PXDNL: variants seen among roughly 807,000 people sequenced by gnomAD.
PXDNL encodes peroxidasin like.
PXDNL carries 145 observed loss-of-function variants against 150.8 expected under a neutral mutation model. The observed-to-expected ratio is 0.96, with a 90% confidence interval of 0.84 to 1.10. PXDNL has a LOEUF of 1.10. Ranked by LOEUF, PXDNL falls within the 50% of genes least tolerant of loss-of-function variation. The probability of loss-of-function intolerance (pLI) is 0.00; values close to 1 mark genes in which losing one functional copy is unlikely to be tolerated. For synonymous variants in PXDNL, 757 were observed against 725.7 expected (o/e 1.04, Z -0.69); for missense variants, 2,087 against 1,873.9 (o/e 1.11, Z -2.10).
chr8:51,495,454 G>C (rs200591543), intron 5 of PXDNL, among the ~76,000 whole-genome samples: 1 of 152,166 alleles, frequency 6.6e-6, no homozygotes, highest in South Asian at 2.1e-4. Flanking sequence ...AGGAAATAGA[G>C]ACACAAAAAA....
chr8:51,411,308 C>G lies in PXDNL; in HGVS notation c.2004G>C (p.Thr668=). 6.3e-7 allele frequency: 1 copy of G among 1,577,670 alleles called. No homozygotes were observed. Among genetic ancestry groups the G allele is most frequent in the Non-Finnish European group, 8.6e-7 (1 of 1,164,906 alleles). ...TCACACGTTCCCGTATCAGCTGCAG[C>G]GTGTGCTCAAAAATCTCCCCTGCTC... ...MARAGEIFEH[T]LQLIRERVKQ... Residue 668 remains threonine (T), a synonymous_variant, in exon 16 of 23, where the codon ACG becomes ACC. Transcript: ENST00000356297.
intron 4 of PXDNL, among the ~76,000 whole-genome samples, chr8:51,531,232 C>T (rs994266136): frequency 6.6e-6 from 1 of 152,192 alleles, no homozygotes; most frequent in South Asian, 2.1e-4. Context: ...GAATTGATTC[C>T]AGTGGAAGGA....
intron 4 of PXDNL, among the ~76,000 whole-genome samples, chr8:51,507,479 G>A (rs1050247045): frequency 3.3e-5 from 5 of 152,304 alleles, no homozygotes; most frequent in African/African-American, 4.8e-5. Context: ...GGCAGGAACT[G>A]AATCACACAT....
At position 51,641,527 on chromosome 8, in the gene PXDNL, T is replaced by G. The variant is rs1027192507; in HGVS notation, c.236+13162A>C. Among the ~76,000 whole-genome samples the G allele has an allele frequency of 1.8e-4, 27 of 151,908 alleles. 1 individual carries two copies. Among genetic ancestry groups the G allele is most frequent in the Admixed American group, 1.2e-3 (19 of 15,234 alleles). ...TTTACAAGAAAAAAACAAACAACCC[T>G]ATCAAAAAGTGGGCGAAGGACATGA... is the stretch of plus-strand genomic sequence containing the variant. On this transcript the variant is annotated intron_variant, in intron 2 of 22. Transcript: ENST00000356297.
chr8:51,697,845 T>C (rs961023962), intron 1 of PXDNL, among the ~76,000 whole-genome samples: 12 of 152,236 alleles, frequency 7.9e-5, no homozygotes, highest in East Asian at 3.8e-4. Context: ...GGAGATATTG[T>C]GGGTTCCATT....
chr8:51,513,965 T>C (rs1811478850), intron 4 of PXDNL, among the ~76,000 whole-genome samples: 1 of 152,252 alleles, frequency 6.6e-6, no homozygotes, highest in Admixed American at 6.5e-5. Flanking sequence ...GAATATTGTT[T>C]CTCCTCTATT....
Position 51,392,400 on chromosome 8 carries a change from C to A in PXDNL, c.3557+15667G>T, listed in dbSNP as rs1355980764. 6.6e-5 allele frequency among the ~76,000 whole-genome samples: 10 copies of A among 152,036 alleles called. 1 individual carries two copies. The highest frequency in any genetic ancestry group is 2.4e-4 in the African/African-American group (10 of 41,350). ...GGAATGTTCTTCCATTTCTTTGTATCCTCTTTTATTTCATTGAGCAGTGGT... is the reference window on the plus strand; with the variant it reads ...GGAATGTTCTTCCATTTCTTTGTATACTCTTTTATTTCATTGAGCAGTGGT... On this transcript the variant is annotated intron_variant, in intron 17 of 22. Transcript: ENST00000356297.
intron 12 of PXDNL, among the ~76,000 whole-genome samples, chr8:51,431,282 C>G (rs1321351241): frequency 6.6e-6 from 1 of 152,150 alleles, no homozygotes; most frequent in African/African-American, 2.4e-5. Context: ...ACAGGCCCTT[C>G]CACTTATTTC....
chr8:51,543,529 G>A (rs1458156589), intron 4 of PXDNL, among the ~76,000 whole-genome samples: 1 of 151,826 alleles, frequency 6.6e-6, no homozygotes, highest in African/African-American at 2.4e-5. Context: ...TGGCTAACAT[G>A]GTGAAACCCC....
chr8:51,737,756 ACC>A (rs11302135), intron 1 of PXDNL, among the ~76,000 whole-genome samples: 1 of 150,972 alleles, frequency 6.6e-6, no homozygotes, highest in Non-Finnish European at 1.5e-5. Context: ...TCACTGTCAG[ACC>A]CCCCCCACCA....
intron 1 of PXDNL, among the ~76,000 whole-genome samples, chr8:51,780,072 G>C (rs142117650): frequency 6.6e-6 from 1 of 152,226 alleles, no homozygotes; most frequent in Admixed American, 6.5e-5. Flanking sequence ...TTAGCTGGGC[G>C]TGATGGCAGG....
chr8:51,769,026 C>T (rs538577273), intron 1 of PXDNL, among the ~76,000 whole-genome samples: 59 of 152,304 alleles, frequency 3.9e-4, no homozygotes, highest in Admixed American at 2.7e-3. Context: ...GGCGTGAACC[C>T]GGGAGGCAGA....
chr8:51,691,457 T>G (rs1475730171), intron 1 of PXDNL, among the ~76,000 whole-genome samples: 2 of 152,216 alleles, frequency 1.3e-5, no homozygotes, highest in South Asian at 4.2e-4. Context: ...TTTTTTCAGG[T>G]TTGTCAAAGA....
chr8:51,429,852 G>T (rs1027407511), intron 12 of PXDNL, among the ~76,000 whole-genome samples: 3 of 151,976 alleles, frequency 2.0e-5, no homozygotes, highest in Non-Finnish European at 4.4e-5. Flanking sequence ...AGATAAAAAG[G>T]TTCAGTTCCT....
Position 51,408,856 on chromosome 8 carries a change from C to T in PXDNL, c.2768G>A (p.Gly923Asp). The change falls in exon 17 of 23, where the codon GGC becomes GAC. Residue 923 changes from glycine to aspartate, a missense_variant. Physicochemically the swap from Gly to Asp is moderately conservative, Grantham distance 94 (BLOSUM62 -1). Transcript: ENST00000356297. ...PSVPRGLLKT[G>D]FPWPPSGKPL... The stretch of plus-strand genomic sequence containing the variant: ...CTTTCCGGAGGGAGGCCAAGGAAAG[C>T]CTGTCTTCAGGAGACCCCGAGGCAC... 6.3e-7 allele frequency: 1 copy of T among 1,582,280 alleles called. No homozygotes were observed. The highest frequency in any genetic ancestry group is 1.8e-5 in the Admixed American group (1 of 55,064).
chr8:51,443,395 A>G lies in PXDNL; in HGVS notation c.1525+3609T>C, dbSNP rs574380086. On this transcript the variant is annotated intron_variant, in intron 12 of 22. Transcript: ENST00000356297. ...GAAAACAAAGAGCTAAAAGGGATTG[A>G]AGAGAAAGAGAGAGAGCTAGAAATT... Among the ~76,000 whole-genome samples the G allele has an allele frequency of 2.6e-5, 4 of 152,268 alleles. No homozygotes were observed. In the South Asian group the frequency reaches 8.3e-4, roughly 32 times the overall value.
chr8:51,422,874 G>C (rs1808991948), intron 14 of PXDNL, among the ~76,000 whole-genome samples: 1 of 152,130 alleles, frequency 6.6e-6, no homozygotes, highest in African/African-American at 2.4e-5. Context: ...GTGTCCACTT[G>C]TAAATAACCT....
At chr8:51,491,877 A>G (rs1810903957) in intron 5 of PXDNL, among the ~76,000 whole-genome samples, 1 of 152,220 alleles carries the variant, frequency 6.6e-6, no homozygotes, top group African/African-American at 2.4e-5. Context: ...TGAACAATCC[A>G]TCTGTCTTGC....
chr8:51,584,135 G>A (rs1490975642), intron 3 of PXDNL, among the ~76,000 whole-genome samples: 1 of 152,182 alleles, frequency 6.6e-6, no homozygotes, highest in Non-Finnish European at 1.5e-5. Flanking sequence ...TTCTCAGGTA[G>A]TCAGCATATT....
Sources: allele counts gnomAD v4.1 joint callset (sites outside exome capture counted in the v4.1 genomes callset), GRCh38; gene constraint gnomAD v4.1.1; transcripts MANE v1.5; gene names NCBI Gene and HGNC (gene_info 2026-07-23, HGNC 2026-07-21).